Variants in SYCE1L observed in about 807,000 individuals in gnomAD.
SYCE1L encodes the protein synaptonemal complex central element protein 1 like.
A neutral mutation model predicts 39.6 loss-of-function variants in SYCE1L; 51 were observed. The ratio of observed to expected loss-of-function variants is 1.29; its 90% confidence interval spans 1.03 to 1.63. The LOEUF is 1.63. Among genes scored for constraint, SYCE1L ranks in the 40% most tolerant of loss-of-function variants. SYCE1L has a pLI of 0.00. For missense variants in SYCE1L, 426 were observed against 304.9 expected (o/e 1.40, Z -2.96); for synonymous variants, 147 against 122.4 (o/e 1.20, Z -1.33).
intron 7 of SYCE1L, 88 bp downstream of exon 7, chr16:77,211,364 G>A: frequency 7.0e-7 from 1 of 1,428,408 alleles, no homozygotes; most frequent in Non-Finnish European, 9.7e-7. Context: ...CCCTGCCCAG[G>A]CTCAATGCCG....
intron 1 of SYCE1L, chr16:77,202,019 T>C: frequency 6.6e-6 from 1 of 152,192 alleles, no homozygotes; most frequent in East Asian, 1.9e-4. Context: ...TTGGGAGTAG[T>C]GCAGAGGTAG....
chr16:77,212,036 AG>A, intron 7 of SYCE1L, 93 bp from the exon 8 acceptor site: 2 of 1,318,868 alleles, frequency 1.5e-6, no homozygotes, highest in Non-Finnish European at 2.1e-6. Flanking sequence ...GACCTAATGT[AG>A]GTGAAGACTT....
chr16:77,203,584 G>A lies in SYCE1L; in HGVS notation c.62-2857G>A, dbSNP rs539603568. On this transcript the variant is annotated intron_variant, in intron 1 of 10. Coordinates refer to ENST00000378644, the MANE Select transcript of SYCE1L (RefSeq NM_001129979.3). ...AAGTAATCCCCTAAGGTATCTTCAA[G>A]TTACTTCCTTTTTTTTTTTTTTTTT... 1.7e-4 allele frequency among the ~76,000 whole-genome samples: 21 copies of A among 123,594 alleles called. No individual in the cohort carries two copies. The South Asian group carries it at 5.6e-3, about 33-fold the overall frequency. The allele number at this position is 123,594 out of a possible 152,430, so 81.1% of individuals were successfully genotyped here.
rs560375683 is a variant in SYCE1L at position 77,202,258 on chromosome 16, G to C, written c.61+2746G>C. The C allele has an allele frequency of 2.0e-5, 3 of 152,252 alleles. No homozygotes were observed. The East Asian group carries it at 5.8e-4, about 29-fold the overall frequency. The allele number at this position is 152,252 out of a possible 1,614,324, so 9.4% of individuals were successfully genotyped here. A position where few individuals can be genotyped will look rare whatever the true frequency, so the allele number is the denominator to read the frequency against. ...ACACTGGAATAGTAAGGAGTAGTGG[G>C]TCAAGATGTCTGCAACTTATTGTTC... On this transcript the variant is annotated intron_variant, in intron 1 of 10. Transcript: ENST00000378644.
intron 8 of SYCE1L, 35 bp from the exon 9 acceptor site, chr16:77,212,247 C>A (rs1451822407): frequency 2.0e-6 from 3 of 1,536,164 alleles, no homozygotes; most frequent in Non-Finnish European, 1.8e-6. Context: ...TGTGCCCGGG[C>A]CTCGGCCCTG....
Position 77,199,463 on chromosome 16 carries a change from G to C in SYCE1L, c.12G>C (p.Lys4Asn), listed in dbSNP as rs2054705521. ...CCCCGCGTTGGAAAATGGCGGGGAA[G>C]CTGAAACCTCTGAATGTGGAGGCGC... is the stretch of plus-strand genomic sequence containing the variant. MAG[K>N]LKPLNVEAPE... The change falls in exon 1 of 11, where the codon AAG becomes AAC. Residue 4 changes from lysine (K) to asparagine (N), a missense_variant. Transcript: ENST00000378644. 1 of 1,551,374 alleles carries C rather than the reference G, an allele frequency of 6.4e-7. No individual in the cohort carries two copies. Among genetic ancestry groups the C allele is most frequent in the Admixed American group, 2.0e-5 (1 of 50,990 alleles).
intron 9 of SYCE1L, 102 bp from the exon 10 acceptor site, chr16:77,212,472 T>A (rs1463380741): frequency 1.2e-5 from 18 of 1,539,670 alleles, no homozygotes; most frequent in Non-Finnish European, 1.4e-5. Context: ...CCCCGGCCTG[T>A]GCCTCCCTCG....
At chr16:77,212,067 G>T in intron 7 of SYCE1L, 63 bp from the exon 8 acceptor site, 2 of 1,495,354 alleles carry the variant, frequency 1.3e-6, no homozygotes, top group Admixed American at 2.3e-5. Flanking sequence ...CACAAAAGGG[G>T]AGGGGCGGGC....
chr16:77,206,829 G>A (rs1011082983), intron 2 of SYCE1L, among the ~76,000 whole-genome samples: 2 of 49,398 alleles, frequency 4.0e-5, no homozygotes, highest in African/African-American at 9.0e-5. Flanking sequence ...ATTCATGGAT[G>A]TATATTTTTT....
intron 1 of SYCE1L, chr16:77,200,256 G>GGA (rs2054719793): frequency 1.2e-5 from 1 of 83,616 alleles, no homozygotes; most frequent in Admixed American, 1.2e-4. Flanking sequence ...ATGTATATGT[G>GGA]TATATATATA....
At chr16:77,212,230 A>AG in intron 8 of SYCE1L, 31 bp downstream of exon 8, 2 of 1,540,670 alleles carry the variant, frequency 1.3e-6, no homozygotes, top group Non-Finnish European at 1.8e-6. Flanking sequence ...GGGCGGGGGG[A>AG]GGGGGATGTG....
At chr16:77,211,844 G>A (rs796266913) in intron 7 of SYCE1L, among the ~76,000 whole-genome samples, 8 of 152,236 alleles carry the variant, frequency 5.3e-5, no homozygotes, top group African/African-American at 1.7e-4. Flanking sequence ...AAGGCCCTGG[G>A]GCTGGACGGT....
At chr16:77,206,625 C>G in intron 2 of SYCE1L, 125 bp downstream of exon 2, 1 of 903,998 alleles carries the variant, frequency 1.1e-6, no homozygotes, top group South Asian at 1.7e-5. Context: ...CCCTCTTATA[C>G]AGTTTAATTC....
intron 2 of SYCE1L, among the ~76,000 whole-genome samples, chr16:77,206,878 T>A (rs2054789333): frequency 6.6e-6 from 1 of 152,160 alleles, no homozygotes; most frequent in African/African-American, 2.4e-5. Flanking sequence ...TGCAGTTGGT[T>A]TTGCACCTTG....
At chr16:77,201,811 G>A (rs1454031660) in intron 1 of SYCE1L, 2 of 152,076 alleles carry the variant, frequency 1.3e-5, no homozygotes, top group African/African-American at 2.4e-5. Flanking sequence ...TAATTTAAAT[G>A]TATTAAAATT....
chr16:77,199,599 T>A (rs1460831590), intron 1 of SYCE1L, 87 bp downstream of exon 1: 1 of 1,076,482 alleles, frequency 9.3e-7, no homozygotes, highest in Non-Finnish European at 1.3e-6. Context: ...AATGAAATAA[T>A]GATATTCTAA....
chr16:77,200,291 T>TATATACAC, intron 1 of SYCE1L: 7 of 111,428 alleles, frequency 6.3e-5, no homozygotes, highest in African/African-American at 2.4e-4. Flanking sequence ...TATATATATA[T>TATATACAC]ACACACACTA....
At chr16:77,205,076 A>G (rs1215721245) in intron 1 of SYCE1L, among the ~76,000 whole-genome samples, 2 of 148,590 alleles carry the variant, frequency 1.3e-5, no homozygotes, top group Non-Finnish European at 3.0e-5. Context: ...GAAAAAGATA[A>G]TGTGGGAGGT....
chr16:77,212,070 G>C, intron 7 of SYCE1L, 60 bp from the exon 8 acceptor site: 1 of 1,501,888 alleles, frequency 6.7e-7, no homozygotes, highest in Non-Finnish European at 8.9e-7. Context: ...AAAAGGGGAG[G>C]GGCGGGCCGT....
Sources: gnomAD v4.1 joint callset for allele counts (sites outside exome capture counted in the v4.1 genomes callset) on GRCh38, gnomAD v4.1.1 for gene constraint, MANE v1.5 for transcripts, NCBI Gene and HGNC (gene_info 2026-07-23, HGNC 2026-07-21) for gene names.